ABTB2: variants seen among roughly 807,000 people sequenced by gnomAD.
The protein encoded by ABTB2 is ankyrin repeat and BTB domain containing 2.
A neutral mutation model predicts 104.1 loss-of-function variants in ABTB2; 56 were observed. The observed-to-expected ratio is 0.54, with a 90% CI of 0.43 to 0.67. ABTB2 has a LOEUF of 0.67. Among genes scored for constraint, ABTB2 ranks in the 30% least tolerant of loss-of-function variants. The pLI is 0.00. For missense variants in ABTB2, 1,279 were observed against 1,407.7 expected (o/e 0.91, Z 1.46); for synonymous variants, 606 against 608.2 (o/e 1.00, Z 0.05).
chr11:34,277,104 G>T (rs1172580510), intron 1 of ABTB2, among the ~76,000 whole-genome samples: 2 of 152,120 alleles, frequency 1.3e-5, no homozygotes, highest in Non-Finnish European at 2.9e-5. Flanking sequence ...GTTTCACCAT[G>T]TTGGCCAGGC....
chr11:34,152,215 C>CGA lies in ABTB2; in HGVS notation c.*171_*172insTC. Reference sequence around the variant, plus strand: ...TGCCCATCAGTGATTGAACAAACAGCTCTAGGGCAGAGGAGATGAGGGTGA... The same window carrying CGA: ...TGCCCATCAGTGATTGAACAAACAGCGATCTAGGGCAGAGGAGATGAGGGTGA... On this transcript the variant is annotated 3_prime_UTR_variant, in exon 17 of 17. Coordinates refer to ENST00000435224, the MANE Select transcript of ABTB2 (RefSeq NM_145804.3). The CGA allele has an allele frequency of 1.4e-6, 1 of 700,692 alleles. No homozygotes were observed. The highest frequency in any genetic ancestry group is 1.9e-5 in the South Asian group (1 of 53,004). 43.4% of individuals were successfully genotyped at this position (700,692 alleles called of 1,614,324 possible). A position where few individuals can be genotyped will look rare whatever the true frequency, so the allele number is the denominator to read the frequency against.
intron 1 of ABTB2, among the ~76,000 whole-genome samples, chr11:34,221,186 T>G (rs1016193504): frequency 6.6e-6 from 1 of 152,206 alleles, no homozygotes; most frequent in African/African-American, 2.4e-5. Flanking sequence ...TGGGCCAGGC[T>G]GGTCTCGAAC....
At chr11:34,326,611 C>T (rs1208640583) in intron 1 of ABTB2, among the ~76,000 whole-genome samples, 2 of 140,280 alleles carry the variant, frequency 1.4e-5, no homozygotes, top group Admixed American at 1.5e-4. Context: ...GCCTGGGTGT[C>T]AGAGGGAGAC....
At chr11:34,262,219 CA>C (rs1180450930) in intron 1 of ABTB2, among the ~76,000 whole-genome samples, 1 of 152,210 alleles carries the variant, frequency 6.6e-6, no homozygotes, top group Non-Finnish European at 1.5e-5. Flanking sequence ...CTAAGAAATG[CA>C]AAGACACTTC....
At chr11:34,340,326 C>A (rs1238949178) in intron 1 of ABTB2, among the ~76,000 whole-genome samples, 2 of 152,206 alleles carry the variant, frequency 1.3e-5, no homozygotes, top group Non-Finnish European at 2.9e-5. Flanking sequence ...TACCTGGTGG[C>A]TGCTACCTGC....
intron 1 of ABTB2, among the ~76,000 whole-genome samples, chr11:34,222,560 T>A (rs1853638028): frequency 1.3e-5 from 2 of 152,178 alleles, no homozygotes; most frequent in African/African-American, 2.4e-5. Context: ...ACAGGCCTCA[T>A]AACAGGCACC....
At chr11:34,265,925 C>T (rs1266507311) in intron 1 of ABTB2, among the ~76,000 whole-genome samples, 2 of 151,932 alleles carry the variant, frequency 1.3e-5, no homozygotes, top group South Asian at 2.1e-4. Flanking sequence ...GCCAAGATCA[C>T]GCCACTGCAT....
chr11:34,229,248 C>T (rs903669390), intron 1 of ABTB2, among the ~76,000 whole-genome samples: 13 of 151,478 alleles, frequency 8.6e-5, no homozygotes, highest in South Asian at 2.1e-4. Context: ...TTTGGGAGGC[C>T]GAGGTGGGCG....
intron 14 of ABTB2, among the ~76,000 whole-genome samples, chr11:34,155,689 A>G (rs1325739053): frequency 6.6e-6 from 1 of 152,162 alleles, no homozygotes; most frequent in Admixed American, 6.5e-5. Context: ...AAGTGGGGAG[A>G]CAGGCCTGCC....
intron 1 of ABTB2, among the ~76,000 whole-genome samples, chr11:34,207,068 C>G (rs1054892359): frequency 2.0e-5 from 3 of 152,234 alleles, no homozygotes; most frequent in African/African-American, 7.2e-5. Flanking sequence ...GCTGAGTAAC[C>G]AAACACATTG....
At chr11:34,198,844 G>T (rs1208014158) in intron 2 of ABTB2, among the ~76,000 whole-genome samples, 1 of 152,238 alleles carries the variant, frequency 6.6e-6, no homozygotes, top group Admixed American at 6.5e-5. Flanking sequence ...AAGAAAAGCA[G>T]CTCCTTCGGG....
chr11:34,273,528 T>C (rs918895532), intron 1 of ABTB2, among the ~76,000 whole-genome samples: 2 of 152,164 alleles, frequency 1.3e-5, no homozygotes, highest in African/African-American at 4.8e-5. Context: ...CCAGGCATTC[T>C]GTCTTCTGCT....
At chr11:34,316,931 T>C (rs1308177452) in intron 1 of ABTB2, among the ~76,000 whole-genome samples, 1 of 152,124 alleles carries the variant, frequency 6.6e-6, no homozygotes, top group African/African-American at 2.4e-5. Flanking sequence ...GGGAGGCACA[T>C]GGGAAAGAAC....
intron 11 of ABTB2, 41 bp downstream of exon 11, chr11:34,160,862 C>G (rs1565127732): frequency 6.4e-7 from 1 of 1,562,474 alleles, no homozygotes; most frequent in Admixed American, 1.8e-5. Flanking sequence ...TGGTCTGAGT[C>G]TGGGCCGTGG....
intron 1 of ABTB2, among the ~76,000 whole-genome samples, chr11:34,355,497 C>A (rs116907305): frequency 6.6e-6 from 1 of 152,238 alleles, no homozygotes; most frequent in East Asian, 1.9e-4. Context: ...AATAGGCTTG[C>A]TAGGAGTACT....
intron 1 of ABTB2, among the ~76,000 whole-genome samples, chr11:34,263,495 G>A (rs1854213368): frequency 6.6e-6 from 1 of 152,142 alleles, no homozygotes; most frequent in Non-Finnish European, 1.5e-5. Context: ...TATAAACACA[G>A]GTCTGCTCAG....
intron 1 of ABTB2, among the ~76,000 whole-genome samples, chr11:34,347,400 C>T (rs986192134): frequency 2.6e-5 from 4 of 152,092 alleles, no homozygotes. Context: ...CGCAGCACTG[C>T]ACTCCAACCT....
In ABTB2 at chr11:34,173,304, G is replaced by A. The variant is rs775058960; in HGVS notation, c.1248C>T (p.Pro416=). Residue 416 remains proline, a synonymous_variant, in exon 4 of 17, where the codon CCC becomes CCT. Transcript: ENST00000435224. The stretch of plus-strand genomic sequence containing the variant: ...CCATGAGGGGCGGCAGCAGCATGAA[G>A]GGCCTGTGGGGCAGCAGAGAGAGGG... ...PPRMTLNNER[P]FMLLPPLMEW... is the part of the protein sequence containing the mutation. The A allele has an allele frequency of 3.8e-6, 6 of 1,590,902 alleles. No homozygotes were observed. Among genetic ancestry groups the A allele is most frequent in the African/African-American group, 1.3e-5 (1 of 74,806 alleles).
intron 1 of ABTB2, among the ~76,000 whole-genome samples, chr11:34,257,133 G>C (rs1854132960): frequency 3.3e-5 from 5 of 152,184 alleles, no homozygotes. Flanking sequence ...AATAGCAGGT[G>C]GCCTATGGTC....
Sources: gnomAD v4.1 joint callset for allele counts (sites outside exome capture counted in the v4.1 genomes callset) on GRCh38, gnomAD v4.1.1 for gene constraint, MANE v1.5 for transcripts, NCBI Gene and HGNC (gene_info 2026-07-23, HGNC 2026-07-21) for gene names.